The following NTSR1 variants were observed in gnomAD, a reference collection of about 807,000 sequenced individuals.
NTSR1 encodes the protein neurotensin receptor 1.
NTSR1 carries 29 observed loss-of-function variants against 31.2 expected under a neutral mutation model. The ratio of observed to expected loss-of-function variants is 0.93; its 90% CI spans 0.69 to 1.27. The LOEUF (loss-of-function observed/expected upper bound fraction) is 1.27, where lower values mean the gene tolerates loss of function less well. Among genes scored for constraint, NTSR1 ranks in the 50% most tolerant of loss-of-function variants. The pLI, the probability that NTSR1 is intolerant of heterozygous loss-of-function variation, is 0.00. For synonymous variants in NTSR1, 282 were observed against 269.9 expected, an observed-to-expected ratio of 1.04 and a Z score of -0.44; for missense variants, 697 against 595.4, an observed-to-expected ratio of 1.17 and a Z score of -1.78.
chr20:62,715,769 G>T lies in NTSR1; in HGVS notation c.714+5848G>T, dbSNP rs1252719568. Among the ~76,000 whole-genome samples, 3 of 152,204 alleles carry T rather than the reference G, an allele frequency of 2.0e-5. No homozygotes were observed. The highest frequency in any genetic ancestry group is 4.8e-5 in the African/African-American group (2 of 41,452). On this transcript the variant is annotated intron_variant, in intron 1 of 3. Transcript: ENST00000370501. The surrounding 1 kb of genome is among the most constrained non-coding windows in gnomAD (Gnocchi z 4.7). ...AAGGGGGTACAGCCACCCTGTGCTTGCCAAGAACCACCACAAGCCACCCCA... is the reference window on the plus strand; with the variant it reads ...AAGGGGGTACAGCCACCCTGTGCTTTCCAAGAACCACCACAAGCCACCCCA...
At position 62,760,103 on chromosome 20, in the gene NTSR1, A is replaced by C; in HGVS notation, c.1093A>C (p.Asn365His). Residue 365 changes from asparagine (N) to histidine (H), a missense_variant, in exon 4 of 4, where the codon AAC (asparagine) becomes CAC (histidine). By Grantham distance (68) the Asn-to-His change is moderately conservative (BLOSUM62 1). Transcript: ENST00000370501. ...VSSTINPILY[N>H]LVSANFRHIF... is the part of the protein sequence containing the mutation. ...CTCCACCATCAACCCCATCCTGTAC[A>C]ACCTCGTCTCTGCCAACTTCCGCCA... 1 of 1,614,072 alleles carries C rather than the reference A, an allele frequency of 6.2e-7. No individual in the cohort carries two copies. Among genetic ancestry groups the C allele is most frequent in the Non-Finnish European group, 8.5e-7 (1 of 1,180,008 alleles).
intron 1 of NTSR1, among the ~76,000 whole-genome samples, chr20:62,751,236 A>T (rs2078215544): frequency 1.3e-5 from 2 of 152,186 alleles, no homozygotes; most frequent in Admixed American, 1.3e-4. Flanking sequence ...AAAGGTTAAA[A>T]ATATATACAT....
chr20:62,736,943 G>C (rs2427434), intron 1 of NTSR1, among the ~76,000 whole-genome samples: 57,882 of 152,102 alleles, frequency 0.38, 11,792 homozygotes, highest in East Asian at 0.53. Context: ...TTGCCCTGCT[G>C]TCACTCACAC....
chr20:62,724,797 T>C lies in NTSR1; in HGVS notation c.714+14876T>C, dbSNP rs114709241. ...GGAGGCTCTAGGGAAGGACCCTTCC[T>C]GCCTCCTGCAGCTCCTGGAGGCTCT... On this transcript the variant is annotated intron_variant, in intron 1 of 3. Transcript: ENST00000370501. 5.9e-3 allele frequency among the ~76,000 whole-genome samples: 901 copies of C among 152,318 alleles called. 13 individuals are homozygous for C. The highest frequency in any genetic ancestry group is 0.021 in the African/African-American group (870 of 41,554).
chr20:62,758,466 T>A lies in NTSR1; in HGVS notation c.1007+110T>A. On this transcript the variant is annotated intron_variant, in intron 3 of 3. Coordinates refer to ENST00000370501, the MANE Select transcript of NTSR1 (RefSeq NM_002531.3). The surrounding 1 kb of genome is among the most constrained non-coding windows in gnomAD (Gnocchi z 4.5). ...GGATCCACTCAGGGCAGGGGTGTGG[T>A]GAGTCCCCCGGCGACCCCCTGGGCA... The A allele has an allele frequency of 1.0e-6, 1 of 992,412 alleles. No homozygotes were observed. The highest frequency in any genetic ancestry group is 1.5e-6 in the Non-Finnish European group (1 of 650,620). The allele number at this position is 992,412 out of a possible 1,614,324, so 61.5% of individuals were successfully genotyped here. A position where few individuals can be genotyped will look rare whatever the true frequency, so the allele number is the denominator to read the frequency against.
chr20:62,760,274 C>T lies in NTSR1; in HGVS notation c.*7C>T, dbSNP rs753609077. 31 of 1,595,324 alleles carry T rather than the reference C, an allele frequency of 1.9e-5. No homozygotes were observed. Among genetic ancestry groups the T allele is most frequent in the Admixed American group, 8.4e-5 (5 of 59,568 alleles). ...CCGCGAGACGCTGTACTAGGCTGTG[C>T]GCCCCGGAACGTGTCCAGGAGGAGC... On this transcript the variant is annotated 3_prime_UTR_variant, in exon 4 of 4. Transcript: ENST00000370501.
chr20:62,709,947 G>T (rs376638007), intron 1 of NTSR1, 26 bp downstream of exon 1: 28 of 1,528,832 alleles, frequency 1.8e-5, no homozygotes, highest in Non-Finnish European at 2.2e-5. Flanking sequence ...CAGCCCCGGG[G>T]CTCCCCTCTC....
At chr20:62,753,816 G>A (rs534179614) in intron 1 of NTSR1, among the ~76,000 whole-genome samples, 5 of 152,244 alleles carry the variant, frequency 3.3e-5, no homozygotes, top group Non-Finnish European at 5.9e-5. Flanking sequence ...CTGCCAGTCC[G>A]CAGACATGTC....
chr20:62,753,160 T>C (rs1018047671), intron 1 of NTSR1, among the ~76,000 whole-genome samples: 1 of 152,226 alleles, frequency 6.6e-6, no homozygotes, highest in Non-Finnish European at 1.5e-5. Context: ...TGAAGGCCTC[T>C]GAGTGCTTCT....
intron 1 of NTSR1, among the ~76,000 whole-genome samples, chr20:62,753,305 T>TG (rs1284433791): frequency 6.6e-6 from 1 of 152,190 alleles, no homozygotes; most frequent in African/African-American, 2.4e-5. Flanking sequence ...CCCTGTCCCA[T>TG]GGCCACCGCC....
chr20:62,723,656 C>T (rs993059723), intron 1 of NTSR1, among the ~76,000 whole-genome samples: 2 of 152,214 alleles, frequency 1.3e-5, no homozygotes, highest in African/African-American at 4.8e-5. Context: ...CACTGCCCTG[C>T]CCTGCACCCT....
intron 1 of NTSR1, among the ~76,000 whole-genome samples, chr20:62,749,223 C>T (rs34057652): frequency 0.098 from 14,900 of 152,102 alleles, 1,089 homozygotes; most frequent in African/African-American, 0.2. Flanking sequence ...GGGCGGATCA[C>T]GAGGTCAGGA....
intron 1 of NTSR1, among the ~76,000 whole-genome samples, chr20:62,730,958 T>A (rs1393851784): frequency 6.6e-6 from 1 of 152,262 alleles, no homozygotes; most frequent in Non-Finnish European, 1.5e-5. Context: ...TAAAAGTTCT[T>A]TATATATTTT....
At chr20:62,724,893 G>A (rs2427416) in intron 1 of NTSR1, among the ~76,000 whole-genome samples, 138,327 of 152,270 alleles carry the variant, frequency 0.91, 63,019 homozygotes, top group East Asian at 1. Flanking sequence ...CCCCCTGTGC[G>A]TCTCTGTGTC....
chr20:62,712,127 TC>T (rs1988628627), intron 1 of NTSR1, among the ~76,000 whole-genome samples: 1 of 152,174 alleles, frequency 6.6e-6, no homozygotes. Flanking sequence ...AAAAGAACAT[TC>T]CTCGTAGGAG....
Position 62,712,794 on chromosome 20 carries a change from C to T in NTSR1, c.714+2873C>T, listed in dbSNP as rs910628088. On this transcript the variant is annotated intron_variant, in intron 1 of 3. Coordinates refer to ENST00000370501, the MANE Select transcript of NTSR1 (RefSeq NM_002531.3). The stretch of plus-strand genomic sequence containing the variant: ...GGCCCTTGCTTCTTGGATGGTCCCC[C>T]ATGGCCCAGGCCCAACCTCCAGCTC... Among the ~76,000 whole-genome samples the T allele has an allele frequency of 2.0e-5, 3 of 152,262 alleles. No homozygotes were observed. The East Asian group carries it at 5.8e-4, about 29-fold the overall frequency.
intron 1 of NTSR1, among the ~76,000 whole-genome samples, chr20:62,748,939 G>T (rs1288049656): frequency 6.6e-6 from 1 of 152,104 alleles, no homozygotes; most frequent in Admixed American, 6.5e-5. Flanking sequence ...CAGCAAGAAG[G>T]CTTTCACCAG....
intron 1 of NTSR1, among the ~76,000 whole-genome samples, chr20:62,719,526 C>CGGTACATCGTCATGCGACCAT (rs1809579842): frequency 6.6e-6 from 1 of 152,024 alleles, no homozygotes; most frequent in African/African-American, 2.4e-5. Context: ...CCCTCCCTCT[C>CGGTACATCGTCATGCGACCAT]CAGAGCTCTT....
At chr20:62,753,775 C>T (rs1418828117) in intron 1 of NTSR1, among the ~76,000 whole-genome samples, 1 of 152,232 alleles carries the variant, frequency 6.6e-6, no homozygotes, top group South Asian at 2.1e-4. Flanking sequence ...CATTGGAAGC[C>T]GGGCCATGGC....
Sources: gnomAD v4.1 joint callset for allele counts (sites outside exome capture counted in the v4.1 genomes callset) on GRCh38, gnomAD v4.1.1 for gene constraint, Gnocchi (gnomAD v3.1) non-coding constraint, MANE v1.5 for transcripts, NCBI Gene and HGNC (gene_info 2026-07-23, HGNC 2026-07-21) for gene names.